The following RASSF8 variants were observed in gnomAD, a reference collection of about 807,000 sequenced individuals.
The protein encoded by RASSF8 is Ras association domain family member 8.
Under a neutral mutation model 48.5 loss-of-function variants are expected in RASSF8, and 22 were observed. That is an observed-to-expected ratio of 0.45 (90% CI 0.32 to 0.65). The LOEUF (loss-of-function observed/expected upper bound fraction) is 0.65, where lower values mean the gene tolerates loss of function less well. Ranked by LOEUF, RASSF8 falls within the 30% of genes least tolerant of loss-of-function variation. The pLI is 0.03. For missense variants in RASSF8, 418 were observed against 489.2 expected, an observed-to-expected ratio of 0.85 and a Z score of 1.37; for synonymous variants, 127 against 171.5, an observed-to-expected ratio of 0.74 and a Z score of 2.03.
chr12:26,034,524 C>A (rs755405756), intron 2 of RASSF8, among the ~76,000 whole-genome samples: 5 of 152,064 alleles, frequency 3.3e-5, no homozygotes, highest in Admixed American at 6.6e-5. Flanking sequence ...CAAGCTTGAT[C>A]TAGGATTTCT....
intron 1 of RASSF8, among the ~76,000 whole-genome samples, chr12:25,964,046 G>C (rs1275589117): frequency 6.6e-6 from 1 of 152,208 alleles, no homozygotes; most frequent in South Asian, 2.1e-4. Flanking sequence ...CACACCAGGT[G>C]ATTTGCCTCG....
At chr12:26,013,601 T>C (rs924051) in intron 2 of RASSF8, among the ~76,000 whole-genome samples, 137,642 of 152,156 alleles carry the variant, frequency 0.9, 62,359 homozygotes, top group East Asian at 0.99. Flanking sequence ...CCAATAATAT[T>C]GTACAACTTG....
At chr12:26,041,992 A>G (rs1943275363) in intron 2 of RASSF8, among the ~76,000 whole-genome samples, 1 of 152,232 alleles carries the variant, frequency 6.6e-6, no homozygotes, top group South Asian at 2.1e-4. Flanking sequence ...TGAGAGGATG[A>G]ATTGCTGATG....
chr12:26,042,666 C>T (rs1943290529), intron 2 of RASSF8, among the ~76,000 whole-genome samples: 2 of 151,926 alleles, frequency 1.3e-5, no homozygotes, highest in Admixed American at 6.6e-5. Flanking sequence ...TTTTCTGCCT[C>T]TTTTATAAGT....
At chr12:25,964,399 TA>T (rs1372811037) in intron 1 of RASSF8, among the ~76,000 whole-genome samples, 7 of 152,114 alleles carry the variant, frequency 4.6e-5, no homozygotes, top group Admixed American at 4.6e-4. Context: ...CTCATTAGCA[TA>T]TGTTTTACTC....
At chr12:26,024,970 T>C (rs1269346854) in intron 2 of RASSF8, among the ~76,000 whole-genome samples, 1 of 151,234 alleles carries the variant, frequency 6.6e-6, no homozygotes, top group East Asian at 1.9e-4. Flanking sequence ...AAAAAAAAAG[T>C]CAATTTAATA....
At chr12:25,959,968 G>T (rs988739057) in intron 1 of RASSF8, among the ~76,000 whole-genome samples, 1 of 152,028 alleles carries the variant, frequency 6.6e-6, no homozygotes, top group Non-Finnish European at 1.5e-5. Flanking sequence ...ATTTAGAAGC[G>T]AAATGAATGC....
chr12:26,068,651 C>G, intron 5 of RASSF8, 46 bp from the exon 6 acceptor site: 1 of 1,425,468 alleles, frequency 7.0e-7, no homozygotes, highest in Non-Finnish European at 9.6e-7. Flanking sequence ...GCTAAGTACT[C>G]CAAGTTGACG....
chr12:26,024,577 C>A (rs1349331011), intron 2 of RASSF8, among the ~76,000 whole-genome samples: 1 of 152,142 alleles, frequency 6.6e-6, no homozygotes, highest in Admixed American at 6.5e-5. Flanking sequence ...CACTTGCAAA[C>A]TAAATTTAGC....
chr12:26,079,619 A>G (rs1944100813), exon 6 of RASSF8: 1 of 152,074 alleles, frequency 6.6e-6, no homozygotes, highest in Non-Finnish European at 1.5e-5. Flanking sequence ...TATTTTTCCA[A>G]AGAAGACATA....
intron 2 of RASSF8, 30 bp downstream of exon 2, chr12:25,995,160 T>C (rs1037940270): frequency 6.6e-6 from 1 of 152,118 alleles, no homozygotes; most frequent in African/African-American, 2.4e-5. Flanking sequence ...ACTCCTTACA[T>C]GCATTATATC....
At chr12:25,968,631 A>G (rs1592214639) in intron 1 of RASSF8, among the ~76,000 whole-genome samples, 1 of 152,212 alleles carries the variant, frequency 6.6e-6, no homozygotes, top group African/African-American at 2.4e-5. Context: ...GGCATGAGCC[A>G]TCGCACCCAG....
chr12:26,055,248 A>G lies in RASSF8; in HGVS notation c.-96A>G. ...TGCCCTTTTTTAGCTGACTACACAG[A>G]CTTAGTCTTCTCCACTCCGTGTTCC... is the stretch of plus-strand genomic sequence containing the variant. On this transcript the variant is annotated 5_prime_UTR_variant, in exon 3 of 6. Transcript: ENST00000689635. 2 of 983,482 alleles carry G rather than the reference A, an allele frequency of 2.0e-6. No homozygotes were observed. Among genetic ancestry groups the G allele is most frequent in the Non-Finnish European group, 3.3e-6 (2 of 608,304 alleles). The allele number at this position is 983,482 out of a possible 1,614,324, so 60.9% of individuals were successfully genotyped here. A position where few individuals can be genotyped will look rare whatever the true frequency, so the allele number is the denominator to read the frequency against.
intron 2 of RASSF8, among the ~76,000 whole-genome samples, chr12:26,001,484 A>G (rs901268345): frequency 2.0e-5 from 3 of 152,194 alleles, no homozygotes; most frequent in Non-Finnish European, 4.4e-5. Context: ...TGCTTAAAAT[A>G]CAAATACATT....
intron 2 of RASSF8, among the ~76,000 whole-genome samples, chr12:26,005,470 A>C (rs1224622807): frequency 6.6e-6 from 1 of 152,230 alleles, no homozygotes; most frequent in Non-Finnish European, 1.5e-5. Context: ...TAATACGTGA[A>C]TATTGAGACC....
chr12:25,968,048 A>G (rs1941398773), intron 1 of RASSF8, among the ~76,000 whole-genome samples: 1 of 152,152 alleles, frequency 6.6e-6, no homozygotes, highest in African/African-American at 2.4e-5. Context: ...TGTCAAGTCC[A>G]TTGACCCTGG....
intron 3 of RASSF8, among the ~76,000 whole-genome samples, chr12:26,061,773 T>C (rs1943748650): frequency 6.6e-6 from 1 of 152,186 alleles, no homozygotes; most frequent in Non-Finnish European, 1.5e-5. Context: ...AATTCCTATA[T>C]AAAATATTTA....
chr12:25,962,528 A>G (rs763871149), intron 1 of RASSF8, among the ~76,000 whole-genome samples: 41 of 152,272 alleles, frequency 2.7e-4, no homozygotes, highest in Non-Finnish European at 3.8e-4. Flanking sequence ...AGTGCCCAGT[A>G]TATGTAGTAG....
At chr12:26,002,736 G>A (rs1942291803) in intron 2 of RASSF8, among the ~76,000 whole-genome samples, 1 of 152,108 alleles carries the variant, frequency 6.6e-6, no homozygotes, top group Admixed American at 6.6e-5. Context: ...GATCATGCTT[G>A]ATCTCTTGGA....
Sources: allele counts gnomAD v4.1 joint callset (sites outside exome capture counted in the v4.1 genomes callset), GRCh38; gene constraint gnomAD v4.1.1; transcripts MANE v1.5; gene names NCBI Gene and HGNC (gene_info 2026-07-23, HGNC 2026-07-21).